Variants in MPRIP observed in about 807,000 individuals in gnomAD.
MPRIP encodes myosin phosphatase Rho-interacting protein.
In MPRIP, 59 loss-of-function variants were observed where a neutral mutation model predicts 234.9. That is an observed-to-expected ratio of 0.25 (90% CI 0.20 to 0.31). MPRIP has a LOEUF of 0.31. Ranked by LOEUF, MPRIP falls within the 10% of genes least tolerant of loss-of-function variation. The pLI is 1.00. For synonymous variants in MPRIP, 1,144 were observed against 1,263.9 expected, an observed-to-expected ratio of 0.91 and a Z score of 2.01; for missense variants, 2,436 against 3,071.0, an observed-to-expected ratio of 0.79 and a Z score of 4.89.
intron 1 of MPRIP, among the ~76,000 whole-genome samples, chr17:17,071,047 T>C (rs976413453): frequency 3.9e-5 from 6 of 152,192 alleles, no homozygotes; most frequent in African/African-American, 1.2e-4. Context: ...CTGACCCTCC[T>C]CTGGGCGCCC....
chr17:17,134,192 G>A (rs2090650636), intron 5 of MPRIP, among the ~76,000 whole-genome samples: 1 of 152,258 alleles, frequency 6.6e-6, no homozygotes, highest in Non-Finnish European at 1.5e-5. Context: ...TGGTTGCCAT[G>A]CTCCGTGTTC....
In MPRIP at chr17:17,165,392, C is replaced by T. The variant is rs560208173; in HGVS notation, c.3801C>T (p.Asp1267=). Residue 1267 remains aspartate, a synonymous_variant, in exon 16 of 24, where the codon GAC becomes GAT. Transcript: ENST00000651222. ...CACACACAAGGCTCGAGGATGAGGA[C>T]GAGGACCTGGGGGCTCCTCCGGGGG... ...GLPHTRLEDE[D]EDLGAPPGEE... The T allele has an allele frequency of 4.4e-5, 58 of 1,304,138 alleles. No homozygotes were observed. The highest frequency in any genetic ancestry group is 5.1e-5 in the Non-Finnish European group (50 of 988,956). The allele number at this position is 1,304,138 out of a possible 1,614,324, so 80.8% of individuals were successfully genotyped here.
At chr17:17,092,261 C>T (rs544882347) in intron 3 of MPRIP, among the ~76,000 whole-genome samples, 1 of 152,362 alleles carries the variant, frequency 6.6e-6, no homozygotes, top group Non-Finnish European at 1.5e-5. Context: ...ACTTCAGCTT[C>T]CTCTTTCTCA....
At chr17:17,075,917 C>T in intron 2 of MPRIP, 130 bp downstream of exon 2, 3 of 844,424 alleles carry the variant, frequency 3.6e-6, no homozygotes, top group South Asian at 3.2e-5. Context: ...CAGCAGGGCT[C>T]CCCCATTTGG....
chr17:17,183,667 C>G (rs778962997), intron 23 of MPRIP, among the ~76,000 whole-genome samples: 1 of 152,162 alleles, frequency 6.6e-6, no homozygotes, highest in Non-Finnish European at 1.5e-5. Context: ...CAGTGGAGCT[C>G]CCCCTTCCCT....
rs767455925 is a variant in MPRIP at position 17,137,936 on chromosome 17, G to A, written c.757G>A (p.Asp253Asn). 24 of 1,608,354 alleles carry A rather than the reference G, an allele frequency of 1.5e-5. No individual in the cohort carries two copies. Among genetic ancestry groups the A allele is most frequent in the Non-Finnish European group, 2.0e-5 (23 of 1,177,382 alleles). ...SKEEESAMSS[D>N]RMDCGRKVRV... ...TCCAGAGGAGAGCGCCATGAGTAGCGACCGCATGGACTGTGGCCGCAAAGT... is the reference window on the plus strand; with the variant it reads ...TCCAGAGGAGAGCGCCATGAGTAGCAACCGCATGGACTGTGGCCGCAAAGT... Residue 253 changes from aspartate to asparagine, a missense_variant, in exon 7 of 24, where the codon GAC (aspartate) becomes AAC (asparagine). Transcript: ENST00000651222.
At chr17:17,136,492 C>T in intron 6 of MPRIP, 42 bp downstream of exon 6, 1 of 1,558,140 alleles carries the variant, frequency 6.4e-7, no homozygotes, top group Non-Finnish European at 8.7e-7. Context: ...GGGAATGGCC[C>T]TCCCTCCCAT....
intron 3 of MPRIP, among the ~76,000 whole-genome samples, chr17:17,109,992 G>T (rs537718361): frequency 6.6e-6 from 1 of 152,200 alleles, no homozygotes; most frequent in Non-Finnish European, 1.5e-5. Context: ...ACGTTGAAAT[G>T]TGTTCCCCAG....
chr17:17,161,479 T>C (rs2045869244), intron 15 of MPRIP, 123 bp downstream of exon 15: 2 of 577,264 alleles, frequency 3.5e-6, no homozygotes, highest in African/African-American at 1.9e-5. Context: ...CAGGAGCTCA[T>C]GCCCCTGGGC....
chr17:17,127,921 C>G (rs1173140613), intron 4 of MPRIP, among the ~76,000 whole-genome samples: 1 of 152,098 alleles, frequency 6.6e-6, no homozygotes, highest in Non-Finnish European at 1.5e-5. Context: ...CGGGGGCGCT[C>G]TCTGCGGGGG....
intron 3 of MPRIP, among the ~76,000 whole-genome samples, chr17:17,089,528 C>T (rs941134732): frequency 3.9e-5 from 6 of 152,066 alleles, no homozygotes; most frequent in Non-Finnish European, 8.8e-5. Flanking sequence ...AGTGCAGTGG[C>T]GCAGTCATAG....
intron 13 of MPRIP, among the ~76,000 whole-genome samples, chr17:17,156,327 G>A (rs1251113882): frequency 2.6e-5 from 4 of 152,244 alleles, no homozygotes; most frequent in Non-Finnish European, 5.9e-5. Context: ...CATGAAAGTT[G>A]ACCTGGCAGT....
At chr17:17,091,618 C>G (rs1454452016) in intron 3 of MPRIP, among the ~76,000 whole-genome samples, 1 of 152,226 alleles carries the variant, frequency 6.6e-6, no homozygotes, top group African/African-American at 2.4e-5. Flanking sequence ...ACAGCCGACC[C>G]TTTTCCAGTG....
intron 3 of MPRIP, among the ~76,000 whole-genome samples, chr17:17,102,955 C>T (rs2089993310): frequency 6.6e-6 from 1 of 152,266 alleles, no homozygotes; most frequent in South Asian, 2.1e-4. Flanking sequence ...TTCTGTCTGG[C>T]ATGGGCTCCA....
At position 17,162,876 on chromosome 17, in the gene MPRIP, A is replaced by G. The variant is rs188478996; in HGVS notation, c.2518-1233A>G. Among the ~76,000 whole-genome samples, 46 of 152,322 alleles carry G rather than the reference A, an allele frequency of 3.0e-4. No homozygotes were observed. In the Middle Eastern group the frequency reaches 0.01, roughly 34 times the overall value. Reference sequence around the variant, plus strand: ...AAAATCCGAAACAGTTCTTGTCCCAAGTATTTTGGATAAGGGATACTCAAC... The same window carrying G: ...AAAATCCGAAACAGTTCTTGTCCCAGGTATTTTGGATAAGGGATACTCAAC... On this transcript the variant is annotated intron_variant, in intron 15 of 23. Transcript: ENST00000651222.
chr17:17,180,477 C>G (rs2046349524), intron 23 of MPRIP: 2 of 849,204 alleles, frequency 2.4e-6, no homozygotes, highest in Non-Finnish European at 4.1e-6. Flanking sequence ...TGTTCCCCAG[C>G]CAGGAAGCAG....
At chr17:17,080,044 A>C (rs774063853) in intron 3 of MPRIP, among the ~76,000 whole-genome samples, 9 of 152,186 alleles carry the variant, frequency 5.9e-5, no homozygotes, top group Admixed American at 2.0e-4. Context: ...TTGGACTGAG[A>C]GAGGGCATGG....
Position 17,042,787 on chromosome 17 carries a change from G to T in MPRIP, c.-62G>T. The T allele has an allele frequency of 9.7e-7, 1 of 1,030,286 alleles. No homozygotes were observed. 63.8% of individuals were successfully genotyped at this position (1,030,286 alleles called of 1,614,324 possible). On this transcript the variant is annotated 5_prime_UTR_variant, in exon 1 of 24. Coordinates refer to ENST00000651222, the MANE Select transcript of MPRIP (RefSeq NM_001364716.4). ...GGCCGCGCTGAGCCCCTAGCCCGCC[G>T]GGAGCGCCAGGCCGGCCAGGCCTGC... is the stretch of plus-strand genomic sequence containing the variant.
chr17:17,169,894 A>G (rs561384192), intron 16 of MPRIP, among the ~76,000 whole-genome samples: 49 of 152,350 alleles, frequency 3.2e-4, no homozygotes, highest in African/African-American at 7.0e-4. Flanking sequence ...TGCAAGATCA[A>G]TTATTTTTTA....
Sources: allele counts gnomAD v4.1 joint callset (sites outside exome capture counted in the v4.1 genomes callset), GRCh38; gene constraint gnomAD v4.1.1; transcripts MANE v1.5; gene names NCBI Gene and HGNC (gene_info 2026-07-23, HGNC 2026-07-21).